The following RBM47 variants were observed in gnomAD, a reference collection of about 807,000 sequenced individuals.
The protein encoded by RBM47 is RNA-binding protein 47.
RBM47 carries 21 observed loss-of-function variants against 47.1 expected under a neutral mutation model. The ratio of observed to expected loss-of-function variants is 0.45; its 90% confidence interval spans 0.32 to 0.64. The LOEUF is 0.64. Among genes scored for constraint, RBM47 ranks in the 30% least tolerant of loss-of-function variants. RBM47 has a pLI of 0.05. For missense variants in RBM47, 708 were observed against 870.9 expected (o/e 0.81, Z 2.35); for synonymous variants, 375 against 361.7 (o/e 1.04, Z -0.42).
chr4:40,521,607 C>T (rs1726197916), intron 2 of RBM47, among the ~76,000 whole-genome samples: 1 of 152,198 alleles, frequency 6.6e-6, no homozygotes, highest in South Asian at 2.1e-4. Context: ...ATTATGATTG[C>T]TGTCTCAAGG....
At chr4:40,552,645 G>A (rs1307854853) in intron 1 of RBM47, among the ~76,000 whole-genome samples, 1 of 152,124 alleles carries the variant, frequency 6.6e-6, no homozygotes, top group Non-Finnish European at 1.5e-5. Context: ...CCAATGGCAT[G>A]TCCTCACACT....
At chr4:40,583,388 GAAAAAAA>G (rs56371832) in intron 1 of RBM47, among the ~76,000 whole-genome samples, 11,925 of 90,510 alleles carry the variant, frequency 0.13, 534 homozygotes, top group Admixed American at 0.21. Flanking sequence ...CTCCATCTCA[GAAAAAAA>G]AAAAAAAAAA....
At chr4:40,484,811 A>G (rs770822184) in intron 2 of RBM47, among the ~76,000 whole-genome samples, 3 of 152,086 alleles carry the variant, frequency 2.0e-5, no homozygotes, top group African/African-American at 4.8e-5. Context: ...TATCTTTCTC[A>G]ACACAACTTT....
chr4:40,510,995 CCTTA>C (rs1413767920), intron 2 of RBM47, among the ~76,000 whole-genome samples: 1 of 152,116 alleles, frequency 6.6e-6, no homozygotes, highest in East Asian at 1.9e-4. Flanking sequence ...TGTTTTATTG[CCTTA>C]CTTAAGATCT....
intron 1 of RBM47, among the ~76,000 whole-genome samples, chr4:40,550,429 T>G (rs531808265): frequency 9.2e-5 from 14 of 152,042 alleles, no homozygotes; most frequent in Non-Finnish European, 1.3e-4. Flanking sequence ...CATACGTAAT[T>G]TTTTTTTGAG....
intron 1 of RBM47, among the ~76,000 whole-genome samples, chr4:40,596,708 C>T (rs1466956672): frequency 6.6e-6 from 1 of 151,998 alleles, no homozygotes; most frequent in Non-Finnish European, 1.5e-5. Context: ...ATGCAAAGCC[C>T]CACGCCTTGT....
chr4:40,508,113 A>T (rs964026957), intron 2 of RBM47, among the ~76,000 whole-genome samples: 3 of 152,204 alleles, frequency 2.0e-5, no homozygotes, highest in African/African-American at 7.2e-5. Context: ...AGCCTCAGAA[A>T]TCGGAGGTGG....
In RBM47 at chr4:40,596,648, G is replaced by A. The variant is rs554521889; in HGVS notation, c.-240+32748C>T. ...ATTTGACTTTCATCTAATGTCCCAA[G>A]TGGCCCAAAAGATTAATCTTCTTTT... On this transcript the variant is annotated intron_variant, in intron 1 of 6. Transcript: ENST00000295971. Among the ~76,000 whole-genome samples the A allele has an allele frequency of 1.1e-3, 162 of 152,250 alleles. 3 individuals are homozygous for A. The highest frequency in any genetic ancestry group is 3.1e-3 in the Admixed American group (48 of 15,272).
chr4:40,594,573 CCTCT>C (rs1734585161), intron 1 of RBM47, among the ~76,000 whole-genome samples: 1 of 152,002 alleles, frequency 6.6e-6, no homozygotes, highest in African/African-American at 2.4e-5. Context: ...CTCTTCTCTC[CCTCT>C]ATTTCACTTC....
chr4:40,534,727 G>A (rs1167728994), intron 2 of RBM47, among the ~76,000 whole-genome samples: 1 of 152,108 alleles, frequency 6.6e-6, no homozygotes, highest in African/African-American at 2.4e-5. Flanking sequence ...GAGGTCAGCA[G>A]ATAAAGACCA....
chr4:40,489,378 T>A (rs1721553832), intron 2 of RBM47, among the ~76,000 whole-genome samples: 1 of 152,008 alleles, frequency 6.6e-6, no homozygotes, highest in South Asian at 2.1e-4. Flanking sequence ...TAAAAGTTAA[T>A]AAAACCAAAA....
intron 2 of RBM47, among the ~76,000 whole-genome samples, chr4:40,529,927 C>T (rs1433569339): frequency 6.8e-6 from 1 of 146,150 alleles, no homozygotes; most frequent in Non-Finnish European, 1.5e-5. Context: ...GGATATTAGA[C>T]CCCCTTTTTT....
chr4:40,471,840 T>C (rs1718922161), intron 2 of RBM47, among the ~76,000 whole-genome samples: 1 of 152,174 alleles, frequency 6.6e-6, no homozygotes, highest in Admixed American at 6.5e-5. Context: ...CCTCATCTTG[T>C]GTTACTTCCC....
intron 1 of RBM47, among the ~76,000 whole-genome samples, chr4:40,586,564 T>C (rs1219261198): frequency 6.6e-6 from 1 of 150,386 alleles, no homozygotes; most frequent in Non-Finnish European, 1.5e-5. Context: ...AGAACAGCCA[T>C]TGCATATTCC....
chr4:40,431,443 G>A (rs112927755), intron 6 of RBM47, among the ~76,000 whole-genome samples: 17,193 of 152,182 alleles, frequency 0.11, 1,308 homozygotes, highest in Non-Finnish European at 0.16. Flanking sequence ...CGGATCACGA[G>A]GTCAGGAGAT....
rs371479932 is a variant in RBM47, at chr4:40,438,714, G to A, written c.180C>T (p.Pro60=). Residue 60 remains proline, a synonymous_variant, in exon 4 of 7, where the codon CCC becomes CCT. Coordinates refer to ENST00000295971, the MANE Select transcript of RBM47 (RefSeq NM_001098634.2). The part of the protein sequence containing the change: ...NGQRKYGGPP[P]GWEGPHPQRG... ...GCTGCGGGTGCGGGCCCTCCCAGCCGGGCGGTGGGCCGCCGTACTTGCGCT... is the reference window on the plus strand; with the variant it reads ...GCTGCGGGTGCGGGCCCTCCCAGCCAGGCGGTGGGCCGCCGTACTTGCGCT... 17 of 1,608,238 alleles carry A rather than the reference G, an allele frequency of 1.1e-5. No homozygotes were observed. In the Middle Eastern group the frequency reaches 4.9e-4, roughly 47 times the overall value.
At chr4:40,598,624 T>A (rs9995598) in intron 1 of RBM47, among the ~76,000 whole-genome samples, 2,764 of 152,236 alleles carry the variant, frequency 0.018, 89 homozygotes, top group African/African-American at 0.062. Flanking sequence ...GGTGAATTTT[T>A]AAAAATAAAA....
At chr4:40,509,943 T>G (rs1724700842) in intron 2 of RBM47, among the ~76,000 whole-genome samples, 1 of 150,430 alleles carries the variant, frequency 6.6e-6, no homozygotes. Flanking sequence ...TCCCAGCACT[T>G]TGGGAGGCTG....
At chr4:40,537,818 G>A (rs2154261064) in intron 2 of RBM47, among the ~76,000 whole-genome samples, 1 of 151,834 alleles carries the variant, frequency 6.6e-6, no homozygotes, top group East Asian at 1.9e-4. Flanking sequence ...CAATTACTCT[G>A]ACAAGTCTTT....
Sources: gnomAD v4.1 joint callset for allele counts (sites outside exome capture counted in the v4.1 genomes callset) on GRCh38, gnomAD v4.1.1 for gene constraint, MANE v1.5 for transcripts, NCBI Gene and HGNC (gene_info 2026-07-23, HGNC 2026-07-21) for gene names.